The following FARP2 variants were observed in gnomAD, a reference collection of about 807,000 sequenced individuals.
The protein encoded by FARP2 is FERM, ARHGEF and pleckstrin domain-containing protein 2.
A neutral mutation model predicts 130.5 loss-of-function variants in FARP2; 111 were observed. That is an observed-to-expected ratio of 0.85 (90% CI 0.73 to 1.00). The LOEUF is 1.00. Among genes scored for constraint, FARP2 ranks in the 50% least tolerant of loss-of-function variants. FARP2 has a pLI of 0.00. For synonymous variants in FARP2, 504 were observed against 516.9 expected (o/e 0.98, Z 0.34); for missense variants, 1,385 against 1,346.3 (o/e 1.03, Z -0.45).
chr2:241,434,298 C>T lies in FARP2; in HGVS notation c.1008C>T (p.Ser336=). The T allele has an allele frequency of 6.2e-7, 1 of 1,612,590 alleles. No individual in the cohort carries two copies. The highest frequency in any genetic ancestry group is 8.5e-7 in the Non-Finnish European group (1 of 1,179,492). ...PKPKAKAVFF[S]RGSSFRYSGR... ...CAAAAGCAAAAGCCGTCTTCTTCAGCCGGGGCTCCTCCTTCAGATACAGGT... is the reference window on the plus strand; with the variant it reads ...CAAAAGCAAAAGCCGTCTTCTTCAGTCGGGGCTCCTCCTTCAGATACAGGT... Residue 336 remains serine (S), a synonymous_variant, in exon 10 of 27, where the codon AGC becomes AGT. Coordinates refer to ENST00000264042, the MANE Select transcript of FARP2 (RefSeq NM_014808.4).
At chr2:241,442,674 T>A (rs2063417744) in intron 13 of FARP2, 1 of 341,360 alleles carries the variant, frequency 2.9e-6, no homozygotes, top group Admixed American at 4.0e-5. Flanking sequence ...TGATTTATTA[T>A]ACTTTTTTGA....
At chr2:241,428,888 T>C (rs1218968898) in intron 8 of FARP2, among the ~76,000 whole-genome samples, 1 of 152,218 alleles carries the variant, frequency 6.6e-6, no homozygotes, top group African/African-American at 2.4e-5. Flanking sequence ...ATATTTCATA[T>C]AAGTGGGATC....
intron 7 of FARP2, among the ~76,000 whole-genome samples, chr2:241,414,763 A>G (rs758057112): frequency 1.2e-4 from 18 of 152,254 alleles, no homozygotes; most frequent in Non-Finnish European, 7.3e-5. Flanking sequence ...TAGCGGGAGC[A>G]TAGCTCATAC....
At chr2:241,385,056 T>A (rs1446801503) in intron 2 of FARP2, among the ~76,000 whole-genome samples, 1 of 152,212 alleles carries the variant, frequency 6.6e-6, no homozygotes, top group Non-Finnish European at 1.5e-5. Context: ...TTAGACTTGT[T>A]AGCTTAACAT....
At chr2:241,481,782 A>G (rs1415328313) in intron 19 of FARP2, among the ~76,000 whole-genome samples, 1 of 152,234 alleles carries the variant, frequency 6.6e-6, no homozygotes, top group African/African-American at 2.4e-5. Context: ...GAGAGTAGCT[A>G]CATAGGCAAA....
At chr2:241,413,465 A>G (rs2062581025) in intron 7 of FARP2, 44 bp downstream of exon 7, 2 of 1,283,342 alleles carry the variant, frequency 1.6e-6, no homozygotes, top group East Asian at 2.3e-5. Context: ...CACCACAGTA[A>G]TGACTAAAGA....
intron 11 of FARP2, among the ~76,000 whole-genome samples, chr2:241,435,868 G>T (rs1271564640): frequency 7.0e-6 from 1 of 142,474 alleles, no homozygotes; most frequent in Non-Finnish European, 1.5e-5. Context: ...TTTCTCTTCT[G>T]TATAGCTTAG....
At chr2:241,361,839 T>G (rs2061193219) in intron 1 of FARP2, among the ~76,000 whole-genome samples, 1 of 152,068 alleles carries the variant, frequency 6.6e-6, no homozygotes, top group Non-Finnish European at 1.5e-5. Flanking sequence ...TTGTTTAAAT[T>G]ACTAGGCTTT....
chr2:241,376,673 G>A (rs1190148134), intron 2 of FARP2, among the ~76,000 whole-genome samples: 3 of 152,228 alleles, frequency 2.0e-5, no homozygotes, highest in Non-Finnish European at 4.4e-5. Flanking sequence ...TGTCTCATTC[G>A]TATTCTGTCT....
intron 14 of FARP2, among the ~76,000 whole-genome samples, chr2:241,458,816 G>A (rs1211532593): frequency 6.6e-6 from 1 of 152,242 alleles, no homozygotes; most frequent in Non-Finnish European, 1.5e-5. Flanking sequence ...GGATAATTGG[G>A]CTGGTGGCAA....
intron 2 of FARP2, among the ~76,000 whole-genome samples, chr2:241,389,142 A>G (rs1253743675): frequency 6.6e-6 from 1 of 151,724 alleles, no homozygotes; most frequent in Non-Finnish European, 1.5e-5. Context: ...TCAGCTGGGC[A>G]TTGTGGTGGG....
At chr2:241,488,349 C>T (rs1319489495) in intron 21 of FARP2, 1 of 151,668 alleles carries the variant, frequency 6.6e-6, no homozygotes, top group Non-Finnish European at 1.5e-5. Context: ...ATTATATTGG[C>T]ACCTTTTAAT....
At chr2:241,442,068 C>T (rs1352161421) in intron 13 of FARP2, 1 of 370,854 alleles carries the variant, frequency 2.7e-6, no homozygotes, top group East Asian at 7.3e-5. Context: ...CCTCAGACAC[C>T]TCGGAGCTAT....
chr2:241,387,189 G>A (rs888963154), intron 2 of FARP2: 1 of 152,130 alleles, frequency 6.6e-6, no homozygotes. Context: ...GGAAACGGAG[G>A]GACAGAGATG....
intron 14 of FARP2, among the ~76,000 whole-genome samples, chr2:241,461,533 G>T (rs1277765776): frequency 1.3e-5 from 2 of 152,180 alleles, no homozygotes; most frequent in African/African-American, 2.4e-5. Flanking sequence ...TCTGAGTGAG[G>T]CTGCGGCCTA....
chr2:241,404,380 C>A (rs114169239), intron 3 of FARP2, among the ~76,000 whole-genome samples: 2,067 of 152,318 alleles, frequency 0.014, 23 homozygotes, highest in Middle Eastern at 0.024. Context: ...TTCAGATACC[C>A]TTGGCAGTGC....
intron 1 of FARP2, among the ~76,000 whole-genome samples, chr2:241,371,548 A>G (rs2061424843): frequency 6.6e-6 from 1 of 152,216 alleles, no homozygotes; most frequent in South Asian, 2.1e-4. Context: ...AAAAGAGGAA[A>G]GGGCCAGGAG....
chr2:241,437,541 C>G (rs2063264031), intron 12 of FARP2, among the ~76,000 whole-genome samples: 1 of 151,932 alleles, frequency 6.6e-6, no homozygotes, highest in Non-Finnish European at 1.5e-5. Flanking sequence ...TCTAGGCTCA[C>G]TGCAACCTCT....
chr2:241,359,421 T>C (rs571008250), intron 1 of FARP2, among the ~76,000 whole-genome samples: 23 of 152,302 alleles, frequency 1.5e-4, no homozygotes, highest in African/African-American at 5.5e-4. Flanking sequence ...TACTTTGGTA[T>C]GAGATTCCAA....
Sources: allele counts gnomAD v4.1 joint callset (sites outside exome capture counted in the v4.1 genomes callset), GRCh38; gene constraint gnomAD v4.1.1; transcripts MANE v1.5; gene names NCBI Gene and HGNC (gene_info 2026-07-23, HGNC 2026-07-21).